Variants in NRG3 observed in about 807,000 individuals in gnomAD.
NRG3 encodes the protein neuregulin 3, also known as pro-neuregulin-3, membrane-bound isoform.
In NRG3, 31 loss-of-function variants were observed where a neutral mutation model predicts 66.9. The ratio of observed to expected loss-of-function variants is 0.46; its 90% confidence interval spans 0.35 to 0.63. NRG3 has a LOEUF of 0.63. Ranked by LOEUF, NRG3 falls within the 20% of genes least tolerant of loss-of-function variation. NRG3 has a pLI of 0.00. For synonymous variants in NRG3, 393 were observed against 359.4 expected (o/e 1.09, Z -1.06); for missense variants, 910 against 878.9 (o/e 1.04, Z -0.45).
chr10:82,294,986 A>T (rs1247797404), intron 1 of NRG3, among the ~76,000 whole-genome samples: 1 of 152,224 alleles, frequency 6.6e-6, no homozygotes. Flanking sequence ...ATGAATTTAA[A>T]TAACTTGTGA....
At chr10:82,777,073 A>G (rs1333215) in intron 3 of NRG3, among the ~76,000 whole-genome samples, 28,487 of 152,054 alleles carry the variant, frequency 0.19, 4,413 homozygotes, top group African/African-American at 0.43. Flanking sequence ...TTTTTGTAGG[A>G]AAAAACTTTC....
chr10:82,013,677 G>T (rs1004865719), intron 1 of NRG3, among the ~76,000 whole-genome samples: 1 of 151,742 alleles, frequency 6.6e-6, no homozygotes, highest in African/African-American at 2.4e-5. Flanking sequence ...ACTTTTTATT[G>T]ATAGAAAATG....
chr10:82,341,037 C>T (rs2082660196), intron 1 of NRG3, among the ~76,000 whole-genome samples: 1 of 152,012 alleles, frequency 6.6e-6, no homozygotes, highest in South Asian at 2.1e-4. Context: ...GATGGATACC[C>T]CATTTTCCAT....
intron 2 of NRG3, among the ~76,000 whole-genome samples, chr10:82,638,443 A>T (rs1228935546): frequency 6.6e-6 from 1 of 152,128 alleles, no homozygotes; most frequent in Non-Finnish European, 1.5e-5. Flanking sequence ...TCTTTAAAAT[A>T]CTCAGTATTA....
intron 1 of NRG3, among the ~76,000 whole-genome samples, chr10:82,204,401 TC>T (rs2075010686): frequency 6.6e-6 from 1 of 152,206 alleles, no homozygotes; most frequent in African/African-American, 2.4e-5. Context: ...ATCAGTGGGC[TC>T]CTTTGCCCTC....
At chr10:82,523,403 A>T (rs1846388017) in intron 2 of NRG3, among the ~76,000 whole-genome samples, 1 of 151,440 alleles carries the variant, frequency 6.6e-6, no homozygotes, top group Admixed American at 6.6e-5. Context: ...CAATTTCTCT[A>T]CATCTTTTCT....
At chr10:82,047,862 T>C (rs186053896) in intron 1 of NRG3, among the ~76,000 whole-genome samples, 53 of 152,164 alleles carry the variant, frequency 3.5e-4, no homozygotes, top group African/African-American at 1.2e-3. Flanking sequence ...CCATCTCACA[T>C]GCAGAGACGC....
chr10:81,941,118 A>G (rs1055426169), intron 1 of NRG3, among the ~76,000 whole-genome samples: 3 of 152,134 alleles, frequency 2.0e-5, no homozygotes, highest in African/African-American at 7.2e-5. Context: ...ACTTCCACCC[A>G]TGTTGTTACA....
chr10:82,437,402 CT>C, intron 2 of NRG3, among the ~76,000 whole-genome samples: 1 of 151,890 alleles, frequency 6.6e-6, no homozygotes, highest in East Asian at 2.0e-4. Context: ...ATTTATGTTC[CT>C]CTCTAAACAG....
intron 3 of NRG3, among the ~76,000 whole-genome samples, chr10:82,864,486 C>CA (rs2064320025): frequency 6.6e-6 from 1 of 152,016 alleles, no homozygotes; most frequent in Admixed American, 6.6e-5. Context: ...ACAATGGTAG[C>CA]AATAGTTTTT....
In NRG3 at chr10:81,880,416, C is replaced by A. The variant is rs182444363; in HGVS notation, c.823+4253C>A. 1.9e-3 allele frequency among the ~76,000 whole-genome samples: 288 copies of A among 151,996 alleles called. 2 individuals are homozygous for A. Among genetic ancestry groups the A allele is most frequent in the African/African-American group, 6.6e-3 (275 of 41,456 alleles). ...CCTGACCAAAAAAAACAAAAAAAAA[C>A]CCAGCTGGTTTCTGGCAATTTCTCG... On this transcript the variant is annotated intron_variant, in intron 1 of 8. Coordinates refer to ENST00000372141, the MANE Select transcript of NRG3 (RefSeq NM_001010848.4).
chr10:81,960,556 T>C (rs1850260371), intron 1 of NRG3, among the ~76,000 whole-genome samples: 1 of 151,808 alleles, frequency 6.6e-6, no homozygotes, highest in Non-Finnish European at 1.5e-5. Context: ...TATAGCAGCA[T>C]AGTAGCAGTA....
intron 1 of NRG3, among the ~76,000 whole-genome samples, chr10:82,024,766 C>A (rs1459116485): frequency 1.3e-5 from 2 of 152,090 alleles, no homozygotes; most frequent in Non-Finnish European, 2.9e-5. Context: ...TCATTTCTAA[C>A]CCCCTTCCTA....
At chr10:82,929,969 C>T (rs769159630) in intron 4 of NRG3, among the ~76,000 whole-genome samples, 1 of 152,148 alleles carries the variant, frequency 6.6e-6, no homozygotes, top group Non-Finnish European at 1.5e-5. Context: ...TCGCAGACCC[C>T]CCTGCTGGGT....
intron 1 of NRG3, among the ~76,000 whole-genome samples, chr10:81,897,030 G>T (rs921853618): frequency 6.6e-6 from 1 of 152,136 alleles, no homozygotes; most frequent in Non-Finnish European, 1.5e-5. Flanking sequence ...ATAGGTGTTC[G>T]GGAGGCCACA....
At chr10:82,112,063 C>G (rs2067420559) in intron 1 of NRG3, among the ~76,000 whole-genome samples, 1 of 152,034 alleles carries the variant, frequency 6.6e-6, no homozygotes, top group South Asian at 2.1e-4. Flanking sequence ...GGCAATATAA[C>G]AAGACCCCTG....
At chr10:82,937,426 A>G (rs572675084) in intron 4 of NRG3, among the ~76,000 whole-genome samples, 21 of 152,358 alleles carry the variant, frequency 1.4e-4, no homozygotes, top group Non-Finnish European at 2.8e-4. Flanking sequence ...CCCTGGGAAC[A>G]GATCTGTGCT....
intron 1 of NRG3, among the ~76,000 whole-genome samples, chr10:82,292,199 A>G (rs2079787069): frequency 6.6e-6 from 1 of 152,170 alleles, no homozygotes; most frequent in Non-Finnish European, 1.5e-5. Context: ...TAGAGAGAGC[A>G]AATAAGCACA....
chr10:82,320,584 T>A (rs1036084400), intron 1 of NRG3, among the ~76,000 whole-genome samples: 6 of 152,128 alleles, frequency 3.9e-5, no homozygotes, highest in African/African-American at 1.4e-4. Context: ...TCAGAAAATA[T>A]TTTATTTGTC....
Sources: allele counts gnomAD v4.1 joint callset (sites outside exome capture counted in the v4.1 genomes callset), GRCh38; gene constraint gnomAD v4.1.1; transcripts MANE v1.5; gene names NCBI Gene and HGNC (gene_info 2026-07-23, HGNC 2026-07-21).